The following PRKN variants were observed in gnomAD, a reference collection of about 807,000 sequenced individuals.
The protein encoded by PRKN is E3 ubiquitin-protein ligase parkin.
Under a neutral mutation model 59.5 loss-of-function variants are expected in PRKN, and 56 were observed. The observed-to-expected ratio is 0.94, with a 90% CI of 0.76 to 1.18. PRKN has a LOEUF of 1.18. Among genes scored for constraint, PRKN ranks in the 50% most tolerant of loss-of-function variants. The pLI, the probability that PRKN is intolerant of heterozygous loss-of-function variation, is 0.00. For synonymous variants in PRKN, 250 were observed against 222.1 expected, an observed-to-expected ratio of 1.13 and a Z score of -1.12; for missense variants, 657 against 596.4, an observed-to-expected ratio of 1.10 and a Z score of -1.06.
chr6:161,626,265 T>C (rs1472921323), intron 7 of PRKN, among the ~76,000 whole-genome samples: 1 of 152,170 alleles, frequency 6.6e-6, no homozygotes, highest in Non-Finnish European at 1.5e-5. Flanking sequence ...TCAGATTTCC[T>C]GTGGCTTTTT....
At chr6:161,747,672 A>G (rs1268304412) in intron 7 of PRKN, among the ~76,000 whole-genome samples, 1 of 152,216 alleles carries the variant, frequency 6.6e-6, no homozygotes, top group African/African-American at 2.4e-5. Flanking sequence ...AGTTCTAATT[A>G]CTTGTGGAAG....
At chr6:162,310,909 C>G (rs1050099576) in intron 2 of PRKN, among the ~76,000 whole-genome samples, 1 of 151,894 alleles carries the variant, frequency 6.6e-6, no homozygotes, top group Non-Finnish European at 1.5e-5. Context: ...TGTTAGTGTC[C>G]ATATTATTAC....
chr6:162,117,874 A>G (rs1460756248), intron 4 of PRKN, among the ~76,000 whole-genome samples: 1 of 152,108 alleles, frequency 6.6e-6, no homozygotes, highest in Non-Finnish European at 1.5e-5. Flanking sequence ...AGATGGGTGG[A>G]TTGCCTGAGG....
chr6:162,532,174 G>A (rs75763650), intron 1 of PRKN, among the ~76,000 whole-genome samples: 1 of 55,076 alleles, frequency 1.8e-5, no homozygotes, highest in Non-Finnish European at 7.6e-5. Context: ...TCTCCAGATA[G>A]CACAAATCCA....
chr6:161,377,065 C>T lies in PRKN; in HGVS notation c.1167+9729G>A, dbSNP rs939398530. 3.3e-5 allele frequency among the ~76,000 whole-genome samples: 5 copies of T among 152,208 alleles called. No homozygotes were observed. The highest frequency in any genetic ancestry group is 2.6e-4 in the Admixed American group (4 of 15,286). On this transcript the variant is annotated intron_variant, in intron 10 of 11. Coordinates refer to ENST00000366898, the MANE Select transcript of PRKN (RefSeq NM_004562.3). The surrounding 1 kb of genome is among the most constrained non-coding windows in gnomAD (Gnocchi z 4.2). ...AGCGCCCTGTCTCTGCGGCTGTGCA[C>T]GCAGGCAGACCCTGTGGATTCCAGG...
intron 1 of PRKN, among the ~76,000 whole-genome samples, chr6:162,517,314 C>T (rs1201471395): frequency 6.6e-6 from 1 of 150,420 alleles, no homozygotes; most frequent in East Asian, 2.0e-4. Context: ...GTGACACAAT[C>T]TCGGCTCACT....
In PRKN at chr6:161,357,251, C is replaced by A. The variant is rs886693270; in HGVS notation, c.1285+2837G>T. ...ATTTTTAGTGGAGACGGGGTTTCGC[C>A]ATGTTGGCCAGGCTGGTCTCGAACT... On this transcript the variant is annotated intron_variant, in intron 11 of 11. Transcript: ENST00000366898. The surrounding 1 kb of genome is among the most constrained non-coding windows in gnomAD (Gnocchi z 5.5). Among the ~76,000 whole-genome samples, 1 of 152,124 alleles carries A rather than the reference C, an allele frequency of 6.6e-6. No homozygotes were observed. The highest frequency in any genetic ancestry group is 1.5e-5 in the Non-Finnish European group (1 of 68,038).
At chr6:162,135,816 C>G (rs958059786) in intron 4 of PRKN, among the ~76,000 whole-genome samples, 1 of 152,080 alleles carries the variant, frequency 6.6e-6, no homozygotes, top group African/African-American at 2.4e-5. Flanking sequence ...CATTTCTGAT[C>G]ACAAAAGTAA....
intron 9 of PRKN, among the ~76,000 whole-genome samples, chr6:161,490,348 T>C (rs9355904): frequency 6.6e-6 from 1 of 150,530 alleles, no homozygotes; most frequent in African/African-American, 2.4e-5. Flanking sequence ...TTTCTCTCTC[T>C]CTCTCTCTCT....
chr6:162,168,556 CA>C (rs771060815), intron 4 of PRKN, among the ~76,000 whole-genome samples: 542 of 47,268 alleles, frequency 0.011, no homozygotes, highest in East Asian at 0.029. Flanking sequence ...ATCTGTTTTA[CA>C]AAAAAAAAAA....
chr6:161,705,611 G>C (rs1239716497), intron 7 of PRKN, among the ~76,000 whole-genome samples: 1 of 152,066 alleles, frequency 6.6e-6, no homozygotes, highest in Admixed American at 6.5e-5. Context: ...ATAATTCTCT[G>C]TCTCTTCAGT....
intron 5 of PRKN, among the ~76,000 whole-genome samples, chr6:162,004,888 T>C (rs149478287): frequency 2.0e-5 from 3 of 152,184 alleles, no homozygotes; most frequent in African/African-American, 7.2e-5. Context: ...GTGGGATAAA[T>C]TGTATTTAAG....
At position 161,484,598 on chromosome 6, in the gene PRKN, G is replaced by A. The variant is rs141539506; in HGVS notation, c.1083+64256C>T. ...CCCAAAGCAAGCTGTGGGTACGGAC[G>A]GCATCAGAACTAAACGCAGGGAGTC... On this transcript the variant is annotated intron_variant, in intron 9 of 11. Transcript: ENST00000366898. The surrounding 1 kb of genome is among the most constrained non-coding windows in gnomAD (Gnocchi z 4.9). Among the ~76,000 whole-genome samples the A allele has an allele frequency of 3.9e-5, 6 of 152,170 alleles. No individual in the cohort carries two copies. Among genetic ancestry groups the A allele is most frequent in the African/African-American group, 1.4e-4 (6 of 41,532 alleles).
At chr6:161,867,773 A>ATTTATTTT in intron 6 of PRKN, among the ~76,000 whole-genome samples, 1 of 150,628 alleles carries the variant, frequency 6.6e-6, no homozygotes, top group African/African-American at 2.5e-5. Flanking sequence ...TTATTTATTT[A>ATTTATTTT]TTTTTGAGAC....
chr6:161,806,920 C>T (rs539844875), intron 6 of PRKN, among the ~76,000 whole-genome samples: 43 of 152,196 alleles, frequency 2.8e-4, no homozygotes, highest in African/African-American at 6.5e-4. Flanking sequence ...AGAAATCATC[C>T]GAACACCACC....
intron 1 of PRKN, among the ~76,000 whole-genome samples, chr6:162,724,616 T>C (rs1322220308): frequency 6.6e-6 from 1 of 152,054 alleles, no homozygotes; most frequent in Non-Finnish European, 1.5e-5. Flanking sequence ...GAGAAATAAG[T>C]TTTCCTGTTT....
chr6:161,724,947 C>T (rs1583058317), intron 7 of PRKN, among the ~76,000 whole-genome samples: 2 of 152,190 alleles, frequency 1.3e-5, no homozygotes, highest in African/African-American at 4.8e-5. Flanking sequence ...AGTGAGTTCT[C>T]ATAAGATCTG....
intron 5 of PRKN, among the ~76,000 whole-genome samples, chr6:162,036,890 AT>A (rs1319228181): frequency 1.3e-5 from 2 of 152,186 alleles, no homozygotes; most frequent in Non-Finnish European, 2.9e-5. Context: ...AATAACCATA[AT>A]AGTAAGCAAT....
rs151094179 is a variant in PRKN, at chr6:162,443,620, A to C, written c.8-147T>G. 16 of 768,472 alleles carry C rather than the reference A, an allele frequency of 2.1e-5. No homozygotes were observed. The African/African-American group carries it at 2.2e-4, about 11-fold the overall frequency. 47.6% of individuals were successfully genotyped at this position (768,472 alleles called of 1,614,324 possible). ...TCTTTCACTTACAACAAAAAACTTA[A>C]TGCTATAGAGCAATATTTGGGAAAA... On this transcript the variant is annotated intron_variant, in intron 1 of 11. Transcript: ENST00000366898.
Sources: gnomAD v4.1 joint callset for allele counts (sites outside exome capture counted in the v4.1 genomes callset) on GRCh38, gnomAD v4.1.1 for gene constraint, Gnocchi (gnomAD v3.1) non-coding constraint, MANE v1.5 for transcripts, NCBI Gene and HGNC (gene_info 2026-07-23, HGNC 2026-07-21) for gene names.